Variants in BMP5 observed in about 807,000 individuals in gnomAD.
BMP5 encodes bone morphogenetic protein 5.
In BMP5, 23 loss-of-function variants were observed where a neutral mutation model predicts 46.6. The ratio of observed to expected loss-of-function variants is 0.49; its 90% CI spans 0.35 to 0.70. The LOEUF (loss-of-function observed/expected upper bound fraction) is 0.70. Ranked by LOEUF, BMP5 falls within the 30% of genes least tolerant of loss-of-function variation. The pLI, the probability that BMP5 is intolerant of heterozygous loss-of-function variation, is 0.00. For synonymous variants in BMP5, 204 were observed against 191.9 expected, an observed-to-expected ratio of 1.06 and a Z score of -0.52; for missense variants, 545 against 565.6, an observed-to-expected ratio of 0.96 and a Z score of 0.37.
chr6:55,831,835 G>T (rs575186033), intron 1 of BMP5, among the ~76,000 whole-genome samples: 30 of 152,044 alleles, frequency 2.0e-4, no homozygotes, highest in African/African-American at 6.0e-4. Context: ...CACTGGAGGC[G>T]AACAGAAGAT....
intron 1 of BMP5, among the ~76,000 whole-genome samples, chr6:55,839,401 C>A (rs956829715): frequency 6.6e-6 from 1 of 152,134 alleles, no homozygotes; most frequent in African/African-American, 2.4e-5. Context: ...TAGCTCACTG[C>A]AGCCTCCTGA....
intron 4 of BMP5, among the ~76,000 whole-genome samples, chr6:55,764,732 A>G (rs1196755985): frequency 6.6e-6 from 1 of 151,936 alleles, no homozygotes; most frequent in Non-Finnish European, 1.5e-5. Flanking sequence ...AAAAAAAAAA[A>G]AAGATCTCCT....
At chr6:55,824,822 G>C (rs1033759688) in intron 1 of BMP5, among the ~76,000 whole-genome samples, 2 of 151,926 alleles carry the variant, frequency 1.3e-5, no homozygotes, top group Admixed American at 1.3e-4. Context: ...AAGACCAAGA[G>C]GGGGGTGCAT....
intron 2 of BMP5, among the ~76,000 whole-genome samples, chr6:55,807,474 A>G (rs1005616823): frequency 3.9e-5 from 6 of 152,190 alleles, no homozygotes; most frequent in Admixed American, 2.0e-4. Context: ...CCAGTATTTT[A>G]TTGAGGATTT....
intron 1 of BMP5, among the ~76,000 whole-genome samples, chr6:55,871,914 T>G (rs1777796471): frequency 6.6e-6 from 1 of 151,878 alleles, no homozygotes; most frequent in Non-Finnish European, 1.5e-5. Context: ...CTCAACTATA[T>G]GCATGTCTTT....
chr6:55,834,161 T>A (rs1230713860), intron 1 of BMP5, among the ~76,000 whole-genome samples: 1 of 152,098 alleles, frequency 6.6e-6, no homozygotes, highest in African/African-American at 2.4e-5. Flanking sequence ...GAAATATAGG[T>A]CATGGAACTA....
At chr6:55,843,253 C>A (rs966250060) in intron 1 of BMP5, among the ~76,000 whole-genome samples, 2 of 151,934 alleles carry the variant, frequency 1.3e-5, no homozygotes, top group African/African-American at 4.8e-5. Flanking sequence ...AGCAGCCTGG[C>A]TATTTCATTA....
chr6:55,820,038 A>G (rs981758234), intron 1 of BMP5, among the ~76,000 whole-genome samples, 191 bp from the exon 2 acceptor site: 4 of 152,212 alleles, frequency 2.6e-5, no homozygotes, highest in Non-Finnish European at 5.9e-5. Context: ...CCTTTAGTTC[A>G]AAAGCAATAT....
intron 1 of BMP5, among the ~76,000 whole-genome samples, chr6:55,828,848 T>G (rs1776592804): frequency 6.6e-6 from 1 of 151,826 alleles, no homozygotes; most frequent in Admixed American, 6.6e-5. Context: ...ATCACCCACT[T>G]TTAATTTTAA....
At chr6:55,853,618 T>C (rs1021982447) in intron 1 of BMP5, among the ~76,000 whole-genome samples, 4 of 152,166 alleles carry the variant, frequency 2.6e-5, no homozygotes, top group Admixed American at 1.3e-4. Flanking sequence ...CAGAAAAAAT[T>C]TGTGTTGAGC....
intron 4 of BMP5, chr6:55,772,778 G>A (rs1170914331): frequency 4.1e-6 from 4 of 984,956 alleles, no homozygotes; most frequent in African/African-American, 3.5e-5. Flanking sequence ...TCAGTATAAT[G>A]CAATTCCATA....
chr6:55,850,539 T>C (rs943195446), intron 1 of BMP5, among the ~76,000 whole-genome samples: 7 of 152,108 alleles, frequency 4.6e-5, no homozygotes, highest in African/African-American at 1.7e-4. Context: ...AGTTATTACT[T>C]TATCCCACAA....
chr6:55,808,600 G>A lies in BMP5; in HGVS notation c.683+11055C>T, dbSNP rs572845018. 2.6e-4 allele frequency among the ~76,000 whole-genome samples: 39 copies of A among 152,302 alleles called. 1 individual carries two copies. Among genetic ancestry groups the A allele is most frequent in the Middle Eastern group, 3.4e-3 (1 of 294 alleles). On this transcript the variant is annotated intron_variant, in intron 2 of 6. Coordinates refer to ENST00000370830, the MANE Select transcript of BMP5 (RefSeq NM_021073.4). ...GGTTGGGACCCTAGGCACTGGTGGC[G>A]TGGGCTCACACGTGGGATCTTCCAA...
chr6:55,805,499 A>G (rs988647898), intron 2 of BMP5, among the ~76,000 whole-genome samples: 4 of 152,110 alleles, frequency 2.6e-5, no homozygotes, highest in Non-Finnish European at 5.9e-5. Context: ...TTCTTTAACC[A>G]GTTTATCATT....
chr6:55,854,045 A>C (rs1777322964), intron 1 of BMP5, among the ~76,000 whole-genome samples: 1 of 152,162 alleles, frequency 6.6e-6, no homozygotes, highest in African/African-American at 2.4e-5. Context: ...ACTCTGGAAA[A>C]CCACAACAAA....
intron 2 of BMP5, among the ~76,000 whole-genome samples, chr6:55,802,571 T>G (rs1472567073): frequency 6.6e-6 from 1 of 151,782 alleles, no homozygotes; most frequent in Admixed American, 6.6e-5. Flanking sequence ...CCAGCCATGG[T>G]GCTTGTCAAA....
At chr6:55,780,484 AAG>A (rs1289061837) in intron 3 of BMP5, among the ~76,000 whole-genome samples, 1 of 150,622 alleles carries the variant, frequency 6.6e-6, no homozygotes, top group African/African-American at 2.4e-5. Flanking sequence ...GAAAGAAAGA[AAG>A]AAAGAAAGAA....
intron 1 of BMP5, among the ~76,000 whole-genome samples, chr6:55,850,324 G>A (rs1332454929): frequency 6.6e-6 from 1 of 151,484 alleles, no homozygotes; most frequent in Non-Finnish European, 1.5e-5. Flanking sequence ...GTTTATGTGT[G>A]TATTTATAGA....
intron 2 of BMP5, among the ~76,000 whole-genome samples, chr6:55,807,120 G>C (rs903325539): frequency 3.9e-5 from 6 of 152,168 alleles, no homozygotes; most frequent in Non-Finnish European, 7.3e-5. Context: ...AATAGGAATG[G>C]TGAGAGGGGG....
Sources: allele counts gnomAD v4.1 joint callset (sites outside exome capture counted in the v4.1 genomes callset), GRCh38; gene constraint gnomAD v4.1.1; transcripts MANE v1.5; gene names NCBI Gene and HGNC (gene_info 2026-07-23, HGNC 2026-07-21).